TRRAP: variants seen among roughly 807,000 people sequenced by gnomAD.
The protein encoded by TRRAP is transformation/transcription domain associated protein.
Under a neutral mutation model 438.8 loss-of-function variants are expected in TRRAP, and 41 were observed. That is an observed-to-expected ratio of 0.09 (90% CI 0.07 to 0.12). The LOEUF is 0.12. TRRAP is among the 10% of genes least tolerant of loss of function. The pLI is 1.00. For missense variants in TRRAP, 3,122 were observed against 5,055.1 expected, an observed-to-expected ratio of 0.62 and a Z score of 11.60; for synonymous variants, 1,994 against 1,962.9, an observed-to-expected ratio of 1.02 and a Z score of -0.42.
Position 98,910,478 on chromosome 7 carries a change from C to T in TRRAP, c.1715-32C>T, listed in dbSNP as rs1554408554. On this transcript the variant is annotated intron_variant, in intron 15 of 72. Transcript: ENST00000456197. ...TAGTTTTCATAAAGTGAGTTTTATT[C>T]AAGTTAACTTAATATACTTTCTCTT... 7 of 1,613,594 alleles carry T rather than the reference C, an allele frequency of 4.3e-6. No homozygotes were observed. The East Asian group carries it at 8.9e-5, about 21-fold the overall frequency.
chr7:98,992,369 C>T (rs967235798), intron 65 of TRRAP, 142 bp downstream of exon 65: 2 of 791,728 alleles, frequency 2.5e-6, no homozygotes, highest in East Asian at 2.5e-5. Context: ...TGGGCAGCAC[C>T]GTAGGGCAGG....
Position 99,011,010 on chromosome 7 carries a change from T to C in TRRAP, c.10939-42T>C. 6.4e-6 allele frequency: 10 copies of C among 1,570,480 alleles called. No individual in the cohort carries two copies. The highest frequency in any genetic ancestry group is 6.1e-6 in the Non-Finnish European group (7 of 1,151,802). ...GAGAATTTTTCTTTTCCAAAAAAAA[T>C]CAGTGAGTGAGATGGGAGTGTCACG... On this transcript the variant is annotated intron_variant, in intron 70 of 72. Transcript: ENST00000456197. This position sits in a 1 kb window ranked among gnomAD's most constrained non-coding sequence, Gnocchi z 7.1.
chr7:98,909,001 T>C (rs781829483), intron 14 of TRRAP, 39 bp downstream of exon 14: 5 of 1,525,366 alleles, frequency 3.3e-6, no homozygotes, highest in Admixed American at 4.1e-5. Flanking sequence ...TCCTGCACTC[T>C]ATCCTGTTTG....
rs1182687777 is a variant in TRRAP at position 98,959,396 on chromosome 7, G to A, written c.6395G>A (p.Arg2132Gln). 25 of 1,613,936 alleles carry A rather than the reference G, an allele frequency of 1.5e-5. No homozygotes were observed. The highest frequency in any genetic ancestry group is 2.2e-5 in the South Asian group (2 of 91,064). ...TCCCCTGGGGAGGTGCTCTCTCGCC[G>A]GTGTGTGAACCTTCTGAAGACTGCG... Reference protein sequence around the residue: ...AGSPGEVLSRRCVNLLKTALR... With the variant: ...AGSPGEVLSRQCVNLLKTALR... The change falls in exon 45 of 73, where the codon CGG (arginine) becomes CAG (glutamine). Residue 2132 changes from arginine to glutamine, a missense_variant. By Grantham distance (43) the Arg-to-Gln change is conservative. Coordinates refer to ENST00000456197, the MANE Select transcript of TRRAP (RefSeq NM_001375524.1).
At chr7:98,879,128 G>A (rs1231469670) in intron 1 of TRRAP, among the ~76,000 whole-genome samples, 2 of 152,212 alleles carry the variant, frequency 1.3e-5, no homozygotes, top group Non-Finnish European at 2.9e-5. Context: ...GCCGCCTCAG[G>A]CCGGGCTTGG....
chr7:98,882,723 G>T (rs530135615), intron 3 of TRRAP, among the ~76,000 whole-genome samples: 2 of 152,210 alleles, frequency 1.3e-5, no homozygotes, highest in Non-Finnish European at 2.9e-5. Context: ...GTGCAGTGGC[G>T]TGATCTTGGC....
intron 12 of TRRAP, 101 bp downstream of exon 12, chr7:98,903,618 A>G: frequency 6.6e-7 from 1 of 1,513,804 alleles, no homozygotes; most frequent in South Asian, 1.2e-5. Flanking sequence ...GTTTCCATGT[A>G]TCCTTGCTTC....
At chr7:98,965,640 C>A (rs1584370240) in intron 48 of TRRAP, 56 bp from the exon 49 acceptor site, 1 of 1,607,236 alleles carries the variant, frequency 6.2e-7, no homozygotes, top group African/African-American at 1.3e-5. Flanking sequence ...TTAGTGGCTG[C>A]CTGTTTAAAT....
chr7:98,992,297 C>G (rs1793460282), intron 65 of TRRAP, 70 bp downstream of exon 65: 2 of 1,502,664 alleles, frequency 1.3e-6, no homozygotes, highest in African/African-American at 1.4e-5. Flanking sequence ...CACATCCAGA[C>G]AGACCACCGC....
At chr7:98,888,311 T>C (rs979210014) in intron 3 of TRRAP, among the ~76,000 whole-genome samples, 1 of 150,854 alleles carries the variant, frequency 6.6e-6, no homozygotes, top group Non-Finnish European at 1.5e-5. Flanking sequence ...CCAAAGCAGG[T>C]GGATCACCTG....
intron 5 of TRRAP, 29 bp downstream of exon 5, chr7:98,892,557 A>G (rs1796022688): frequency 6.5e-7 from 1 of 1,527,452 alleles, no homozygotes; most frequent in African/African-American, 1.4e-5. Context: ...TTCTTGTCGT[A>G]TAGCCGTATG....
At chr7:99,002,225 G>T (rs559075749) in intron 67 of TRRAP, among the ~76,000 whole-genome samples, 1 of 152,152 alleles carries the variant, frequency 6.6e-6, no homozygotes, top group Non-Finnish European at 1.5e-5. Flanking sequence ...GTGGCTCTGC[G>T]AGGCCACACA....
chr7:98,884,167 G>A (rs781930798), intron 3 of TRRAP, among the ~76,000 whole-genome samples: 2 of 152,190 alleles, frequency 1.3e-5, no homozygotes, highest in African/African-American at 2.4e-5. Context: ...GTCTTTGCAC[G>A]CTGGCTAGGC....
intron 62 of TRRAP, among the ~76,000 whole-genome samples, chr7:98,986,769 A>G (rs1226071252): frequency 6.6e-6 from 1 of 152,104 alleles, no homozygotes; most frequent in African/African-American, 2.4e-5. Context: ...AAGAAACCAT[A>G]CCCTAATCCA....
At chr7:98,910,967 C>G in intron 16 of TRRAP, 110 bp from the exon 17 acceptor site, 1 of 872,142 alleles carries the variant, frequency 1.1e-6, no homozygotes, top group Non-Finnish European at 1.6e-6. Flanking sequence ...CATTTGTTAT[C>G]TAATTTAAGT....
Position 98,957,963 on chromosome 7 carries a change from A to G in TRRAP, c.6232-18A>G. 1 of 1,610,678 alleles carries G rather than the reference A, an allele frequency of 6.2e-7. No individual in the cohort carries two copies. The highest frequency in any genetic ancestry group is 8.5e-7 in the Non-Finnish European group (1 of 1,177,706). On this transcript the variant is annotated intron_variant, in intron 43 of 72. Transcript: ENST00000456197. ...GTGTTGCGATTCTCTTCCTGCCTGA[A>G]AGGAGGTCCTTTTCCAGGTCTTTGG...
Position 98,930,526 on chromosome 7 carries a change from C to T in TRRAP, c.3394-107C>T, listed in dbSNP as rs13221915. 11,203 of 1,420,770 alleles carry T rather than the reference C, an allele frequency of 7.9e-3. 54 individuals carry two copies. Among genetic ancestry groups the T allele is most frequent in the Middle Eastern group, 0.01 (40 of 3,932 alleles). The allele number at this position is 1,420,770 out of a possible 1,614,324, so 88.0% of individuals were successfully genotyped here. On this transcript the variant is annotated intron_variant, in intron 24 of 72. Transcript: ENST00000456197. ...CTGGGAGATGGAGGTTGCGGTGAGC[C>T]GAGATCACACCATTGCACTCCGGCC... is the stretch of plus-strand genomic sequence containing the variant.
intron 38 of TRRAP, among the ~76,000 whole-genome samples, chr7:98,950,538 T>C (rs1351332418): frequency 6.6e-6 from 1 of 152,046 alleles, no homozygotes; most frequent in Middle Eastern, 3.2e-3. Flanking sequence ...AAAATAAAAT[T>C]AGTGGGCTGG....
Position 98,948,419 on chromosome 7 carries a change from A to G in TRRAP, c.4668+79A>G, listed in dbSNP as rs559669070. 40 of 1,610,386 alleles carry G rather than the reference A, an allele frequency of 2.5e-5. No homozygotes were observed. Among genetic ancestry groups the G allele is most frequent in the Middle Eastern group, 1.8e-4 (1 of 5,450 alleles). On this transcript the variant is annotated intron_variant, in intron 34 of 72. Coordinates refer to ENST00000456197, the MANE Select transcript of TRRAP (RefSeq NM_001375524.1). The surrounding 1 kb of genome is among the most constrained non-coding windows in gnomAD (Gnocchi z 4.9). The stretch of plus-strand genomic sequence containing the variant: ...GCGTCCTCACTTGATCGTATTTTCA[A>G]TGGACGGAACAGCATAAAGACGTTC...
Sources: gnomAD v4.1 joint callset for allele counts (sites outside exome capture counted in the v4.1 genomes callset) on GRCh38, gnomAD v4.1.1 for gene constraint, Gnocchi (gnomAD v3.1) non-coding constraint, MANE v1.5 for transcripts, NCBI Gene and HGNC (gene_info 2026-07-23, HGNC 2026-07-21) for gene names.